The following AFAP1 variants were observed in gnomAD, a reference collection of about 807,000 sequenced individuals.
The protein encoded by AFAP1 is actin filament-associated protein 1.
Under a neutral mutation model 93.9 loss-of-function variants are expected in AFAP1, and 75 were observed. The observed-to-expected ratio is 0.80, with a 90% CI of 0.66 to 0.97. The LOEUF is 0.97. Ranked by LOEUF, AFAP1 falls within the 50% of genes least tolerant of loss-of-function variation. AFAP1 has a pLI of 0.00. For missense variants in AFAP1, 1,201 were observed against 1,050.8 expected, an observed-to-expected ratio of 1.14 and a Z score of -1.98; for synonymous variants, 517 against 430.7, an observed-to-expected ratio of 1.20 and a Z score of -2.48.
At chr4:7,872,160 G>A in intron 1 of AFAP1, 80 bp from the exon 2 acceptor site, 2 of 1,539,328 alleles carry the variant, frequency 1.3e-6, no homozygotes, top group East Asian at 2.3e-5. Context: ...CTTACTCGAA[G>A]CATTTCATGT....
intron 2 of AFAP1, among the ~76,000 whole-genome samples, chr4:7,871,178 G>A (rs1213374909): frequency 6.6e-6 from 1 of 152,150 alleles, no homozygotes; most frequent in African/African-American, 2.4e-5. Flanking sequence ...CCTGCTCACT[G>A]TGCATCAAAG....
At chr4:7,804,054 C>T (rs576944932) in intron 9 of AFAP1, among the ~76,000 whole-genome samples, 291 of 152,320 alleles carry the variant, frequency 1.9e-3, no homozygotes, top group Non-Finnish European at 3.0e-3. Flanking sequence ...CAGACAACCT[C>T]ATCTAAGGAG....
At position 7,763,704 on chromosome 4, in the gene AFAP1, C is replaced by A; in HGVS notation, c.*61G>T. ...CTGGGCAGAGCTTCCTGCCGTCACA[C>A]AGATGAGGATACAGGCAAGGGGGTG... On this transcript the variant is annotated 3_prime_UTR_variant, in exon 18 of 18. Transcript: ENST00000420658. 1 of 1,547,940 alleles carries A rather than the reference C, an allele frequency of 6.5e-7. No homozygotes were observed. The highest frequency in any genetic ancestry group is 8.7e-7 in the Non-Finnish European group (1 of 1,143,748).
chr4:7,779,117 C>T, intron 13 of AFAP1: 1 of 472,610 alleles, frequency 2.1e-6, no homozygotes, highest in East Asian at 3.9e-5. Flanking sequence ...CGCTGGAACA[C>T]TGCAGAAGTG....
chr4:7,888,790 TTTG>T (rs1553852158), intron 1 of AFAP1, among the ~76,000 whole-genome samples: 3 of 152,102 alleles, frequency 2.0e-5, no homozygotes, highest in South Asian at 2.1e-4. Context: ...ACAGTTTTTT[TTTG>T]TTGTTGTTGT....
rs780854776 is a variant in AFAP1 at position 7,773,014 on chromosome 4, G to T, written c.2063-4C>A. Reference sequence around the variant, plus strand: ...AGGATCGCCTGCGGCTTCCTGCCTGGAATTCCCAGAAACGCCGTTACTCCC... The same window carrying T: ...AGGATCGCCTGCGGCTTCCTGCCTGTAATTCCCAGAAACGCCGTTACTCCC... On this transcript the variant is annotated splice_region_variant and splice_polypyrimidine_tract_variant and intron_variant, in intron 15 of 17. Coordinates refer to ENST00000420658, the MANE Select transcript of AFAP1 (RefSeq NM_001134647.2). 1.2e-6 allele frequency: 2 copies of T among 1,606,530 alleles called. No individual in the cohort carries two copies. The highest frequency in any genetic ancestry group is 1.7e-6 in the Non-Finnish European group (2 of 1,179,578).
In AFAP1 at chr4:7,763,629, G is replaced by T; in HGVS notation, c.*136C>A. 1.0e-6 allele frequency: 1 copy of T among 963,182 alleles called. No homozygotes were observed. Among genetic ancestry groups the T allele is most frequent in the Non-Finnish European group, 1.5e-6 (1 of 645,524 alleles). 59.7% of individuals were successfully genotyped at this position (963,182 alleles called of 1,614,324 possible). ...AAGTGGGCCTGGGGGACAGGCACTGGCCTCAGAGCTCAGTCGTGGAGCCTC... is the reference window on the plus strand; with the variant it reads ...AAGTGGGCCTGGGGGACAGGCACTGTCCTCAGAGCTCAGTCGTGGAGCCTC... On this transcript the variant is annotated 3_prime_UTR_variant, in exon 18 of 18. Coordinates refer to ENST00000420658, the MANE Select transcript of AFAP1 (RefSeq NM_001134647.2).
At chr4:7,769,475 G>A (rs1404221918) in intron 16 of AFAP1, among the ~76,000 whole-genome samples, 2 of 152,206 alleles carry the variant, frequency 1.3e-5, no homozygotes, top group African/African-American at 4.8e-5. Flanking sequence ...CGCGGGGCTC[G>A]CTGGAGAAAA....
Position 7,774,871 on chromosome 4 carries a change from C to G in AFAP1, c.1930G>C (p.Val644Leu). The G allele has an allele frequency of 1.9e-6, 3 of 1,614,202 alleles. No individual in the cohort carries two copies. The highest frequency in any genetic ancestry group is 1.7e-5 in the Admixed American group (1 of 60,022). ...TGTAGCCGCTTGGCATCTGCTTCTA[C>G]CCGGTTCTTGCCATACTTGTACTGG... ...AAQYKYGKNR[V>L]EADAKRLQTK... is the part of the protein sequence containing the mutation. The change falls in exon 15 of 18, where the codon GTA (valine) becomes CTA (leucine). Residue 644 changes from valine to leucine, a missense_variant. Transcript: ENST00000420658.
At chr4:7,806,221 T>C (rs1200435693) in intron 9 of AFAP1, among the ~76,000 whole-genome samples, 1 of 152,230 alleles carries the variant, frequency 6.6e-6, no homozygotes, top group Non-Finnish European at 1.5e-5. Context: ...CAATAGGCGT[T>C]GCAGGGTTAG....
At chr4:7,864,256 T>C (rs1343118351) in intron 3 of AFAP1, among the ~76,000 whole-genome samples, 2 of 152,132 alleles carry the variant, frequency 1.3e-5, no homozygotes, top group African/African-American at 2.4e-5. Flanking sequence ...AAGGCAGAGC[T>C]ACCTGCAACG....
Position 7,778,569 on chromosome 4 carries a change from C to T in AFAP1, c.1897+193G>A. On this transcript the variant is annotated intron_variant, in intron 14 of 17. Transcript: ENST00000420658. ...CAAACCAGTTCTGGGCTTCAATTTACAAGCAGTCAGAAAAGCTGGGTTGAA... is the reference window on the plus strand; with the variant it reads ...CAAACCAGTTCTGGGCTTCAATTTATAAGCAGTCAGAAAAGCTGGGTTGAA... 4.8e-6 allele frequency: 3 copies of T among 629,012 alleles called. No individual in the cohort carries two copies. The South Asian group carries it at 5.6e-5, about 12-fold the overall frequency. 39.0% of individuals were successfully genotyped at this position (629,012 alleles called of 1,614,324 possible).
chr4:7,879,099 C>T (rs73210874), intron 1 of AFAP1, among the ~76,000 whole-genome samples: 1 of 152,250 alleles, frequency 6.6e-6, no homozygotes, highest in Non-Finnish European at 1.5e-5. Flanking sequence ...ATAGTTCACC[C>T]AACTTCCTCA....
At chr4:7,809,376 T>A (rs1719812870) in intron 9 of AFAP1, 8 of 222,110 alleles carry the variant, frequency 3.6e-5, no homozygotes, top group Non-Finnish European at 6.8e-5. Flanking sequence ...TAAAGGGAAA[T>A]TTTTTTTTTT....
At position 7,868,603 on chromosome 4, in the gene AFAP1, T is replaced by C. The variant is rs201002686; in HGVS notation, c.225+19A>G. ...AGGCCTCCAGCGATGACCACTGAGA[T>C]GGTGGGACCTTGACTCACCAGCCAG... is the stretch of plus-strand genomic sequence containing the variant. On this transcript the variant is annotated intron_variant, in intron 3 of 17. Coordinates refer to ENST00000420658, the MANE Select transcript of AFAP1 (RefSeq NM_001134647.2). 6.2e-6 allele frequency: 10 copies of C among 1,606,272 alleles called. No individual in the cohort carries two copies. In the East Asian group the frequency reaches 1.1e-4, roughly 18 times the overall value.
intron 3 of AFAP1, among the ~76,000 whole-genome samples, chr4:7,859,132 G>A (rs779176586): frequency 1.9e-4 from 29 of 152,106 alleles, no homozygotes; most frequent in Admixed American, 3.3e-4. Flanking sequence ...GGCAACAAGG[G>A]TCCTTGGGTT....
Position 7,845,677 on chromosome 4 carries a change from G to A in AFAP1, c.335-2327C>T, listed in dbSNP as rs141974373. Among the ~76,000 whole-genome samples the A allele has an allele frequency of 1.3e-4, 20 of 152,088 alleles. No homozygotes were observed. The East Asian group carries it at 2.1e-3, about 16-fold the overall frequency. On this transcript the variant is annotated intron_variant, in intron 4 of 17. Coordinates refer to ENST00000420658, the MANE Select transcript of AFAP1 (RefSeq NM_001134647.2). ...ATCACCCTCCGCCCACAGGTGGGTC[G>A]TTCTCACTGGCTCCACATCCCCCTC...
intron 1 of AFAP1, among the ~76,000 whole-genome samples, chr4:7,911,934 A>T (rs1299289264): frequency 6.6e-6 from 1 of 152,250 alleles, no homozygotes; most frequent in Non-Finnish European, 1.5e-5. Context: ...GGGGAATGAA[A>T]TATAGAAAGG....
intron 17 of AFAP1, among the ~76,000 whole-genome samples, chr4:7,767,385 G>A (rs532733984): frequency 6.6e-6 from 1 of 152,200 alleles, no homozygotes; most frequent in African/African-American, 2.4e-5. Flanking sequence ...TTTCTTTGAT[G>A]ATAAAGAAAC....
Sources: allele counts gnomAD v4.1 joint callset (sites outside exome capture counted in the v4.1 genomes callset), GRCh38; gene constraint gnomAD v4.1.1; transcripts MANE v1.5; gene names NCBI Gene and HGNC (gene_info 2026-07-23, HGNC 2026-07-21).